The following PSD2 variants were observed in gnomAD, a reference collection of about 807,000 sequenced individuals.
The protein encoded by PSD2 is PH and SEC7 domain-containing protein 2.
In PSD2, 38 loss-of-function variants were observed where a neutral mutation model predicts 69.8. That is an observed-to-expected ratio of 0.54 (90% confidence interval 0.42 to 0.71). The LOEUF is 0.71. Among genes scored for constraint, PSD2 ranks in the 30% least tolerant of loss-of-function variants. The pLI is 0.00. For missense variants in PSD2, 943 were observed against 1,014.5 expected (o/e 0.93, Z 0.96); for synonymous variants, 412 against 423.0 (o/e 0.97, Z 0.32).
At chr5:139,752,135 C>T in the PSD2 span, among the ~76,000 whole-genome samples, 1 of 152,052 alleles carries the variant, frequency 6.6e-6, no homozygotes, top group South Asian at 2.1e-4. Context: ...TTGTCCTTGG[C>T]AGATCCTCGA....
rs1760942927 is a variant in PSD2 at position 139,844,141 on chromosome 5, A to G, written c.*1667A>G. 6.6e-6 allele frequency: 1 copy of G among 152,242 alleles called. No homozygotes were observed. Among genetic ancestry groups the G allele is most frequent in the African/African-American group, 2.4e-5 (1 of 41,462 alleles). 9.4% of individuals were successfully genotyped at this position (152,242 alleles called of 1,614,324 possible). A position where few individuals can be genotyped will look rare whatever the true frequency, so the allele number is the denominator to read the frequency against. On this transcript the variant is annotated 3_prime_UTR_variant, in exon 15 of 15. Transcript: ENST00000274710. ...AATTGAAAACGCCATGTGGCACCAC[A>G]AAAGAGCTCTCTGTACTTTCCCCAT...
At chr5:139,803,631 AG>A (rs1428980634) in intron 1 of PSD2, among the ~76,000 whole-genome samples, 1 of 152,210 alleles carries the variant, frequency 6.6e-6, no homozygotes, top group Non-Finnish European at 1.5e-5. Context: ...CACACAGGAA[AG>A]GGCACTGACC....
chr5:139,777,402 C>T, the PSD2 span, among the ~76,000 whole-genome samples: 2 of 152,110 alleles, frequency 1.3e-5, no homozygotes, highest in Non-Finnish European at 2.9e-5. Flanking sequence ...GAGGCAAAAG[C>T]AAGACTATTT....
chr5:139,822,904 G>A, intron 7 of PSD2, 120 bp downstream of exon 7: 1 of 814,014 alleles, frequency 1.2e-6, no homozygotes, highest in South Asian at 2.5e-5. Flanking sequence ...AAGCGGTGGG[G>A]GTTGGGCAGC....
At chr5:139,832,339 AAC>A (rs1396787705) in intron 7 of PSD2, among the ~76,000 whole-genome samples, 2 of 152,252 alleles carry the variant, frequency 1.3e-5, no homozygotes, top group African/African-American at 4.8e-5. Context: ...AAAAATACAA[AAC>A]ACACTTGTAT....
intron 1 of PSD2, among the ~76,000 whole-genome samples, chr5:139,806,413 A>G (rs1759808256): frequency 6.6e-6 from 1 of 152,226 alleles, no homozygotes; most frequent in Non-Finnish European, 1.5e-5. Flanking sequence ...ATCTAGCTGC[A>G]GAGGGAGGCT....
Position 139,814,114 on chromosome 5 carries a change from G to A in PSD2, c.822-56G>A. 1.3e-6 allele frequency: 2 copies of A among 1,566,866 alleles called. No homozygotes were observed. Among genetic ancestry groups the A allele is most frequent in the Admixed American group, 1.8e-5 (1 of 54,302 alleles). ...CTGGGGAAACCTCCCAGCCTCCTCT[G>A]GGGCCTTTGACCCTGGGCCTCTGAC... is the stretch of plus-strand genomic sequence containing the variant. On this transcript the variant is annotated intron_variant, in intron 3 of 14. Coordinates refer to ENST00000274710, the MANE Select transcript of PSD2 (RefSeq NM_032289.4). The surrounding 1 kb of genome is among the most constrained non-coding windows in gnomAD (Gnocchi z 4.4).
At chr5:139,802,937 C>T (rs1561591907) in intron 1 of PSD2, among the ~76,000 whole-genome samples, 1 of 152,216 alleles carries the variant, frequency 6.6e-6, no homozygotes, top group Non-Finnish European at 1.5e-5. Flanking sequence ...GGACTTCTGC[C>T]TGCCTGACCA....
intron 7 of PSD2, among the ~76,000 whole-genome samples, chr5:139,824,096 A>G (rs1246689837): frequency 1.3e-5 from 2 of 152,182 alleles, no homozygotes; most frequent in Non-Finnish European, 2.9e-5. Flanking sequence ...CCCTCTGTTT[A>G]TTGACAGACA....
At chr5:139,775,195 A>C in the PSD2 span, 1 of 152,206 alleles carries the variant, frequency 6.6e-6, no homozygotes, top group African/African-American at 2.4e-5. Flanking sequence ...AGGTCAGATT[A>C]CTCCACACCC....
At position 139,836,838 on chromosome 5, in the gene PSD2, G is replaced by C; in HGVS notation, c.1431G>C (p.Leu477=). 3.1e-6 allele frequency: 5 copies of C among 1,614,184 alleles called. No homozygotes were observed. Among genetic ancestry groups the C allele is most frequent in the Non-Finnish European group, 4.2e-6 (5 of 1,180,008 alleles). The change falls in exon 10 of 15, where the codon CTG becomes CTC. Residue 477 remains leucine, a synonymous_variant. Transcript: ENST00000274710. ...ATGAGGATGAGCTGAGGAAATCCCTGTCTGAGCTGGTGGATGACAAGTTCG... is the reference window on the plus strand; with the variant it reads ...ATGAGGATGAGCTGAGGAAATCCCTCTCTGAGCTGGTGGATGACAAGTTCG... ...AIDEDELRKS[L]SELVDDKFGT...
intron 14 of PSD2, 75 bp downstream of exon 14, chr5:139,840,245 T>C: frequency 2.0e-6 from 3 of 1,537,626 alleles, no homozygotes; most frequent in Non-Finnish European, 2.7e-6. Flanking sequence ...GATGTGGGAC[T>C]GGGGAGGTGA....
chr5:139,821,268 A>G (rs1051798518), intron 5 of PSD2, among the ~76,000 whole-genome samples: 1 of 152,186 alleles, frequency 6.6e-6, no homozygotes, highest in African/African-American at 2.4e-5. Context: ...AGTCCTGCCT[A>G]TGTGTGTATT....
the PSD2 span, among the ~76,000 whole-genome samples, chr5:139,766,042 G>A: frequency 3.3e-5 from 5 of 152,124 alleles, no homozygotes; most frequent in Non-Finnish European, 7.3e-5. Flanking sequence ...TGTGGTGGCT[G>A]GGTAGAGAGC....
chr5:139,763,840 C>T, the PSD2 span, among the ~76,000 whole-genome samples: 6 of 152,198 alleles, frequency 3.9e-5, no homozygotes, highest in East Asian at 1.9e-4. Flanking sequence ...GGTCGACTTG[C>T]GTTTTCTCCC....
At chr5:139,776,876 C>A in the PSD2 span, among the ~76,000 whole-genome samples, 1 of 152,170 alleles carries the variant, frequency 6.6e-6, no homozygotes, top group African/African-American at 2.4e-5. Flanking sequence ...CTCTCTAACC[C>A]TCCCGACAAT....
chr5:139,801,068 G>A (rs1269692933), intron 1 of PSD2, among the ~76,000 whole-genome samples: 2 of 152,022 alleles, frequency 1.3e-5, no homozygotes. Context: ...AACCAGGCAT[G>A]GTGGTGGGCA....
At chr5:139,803,056 G>A (rs1368129277) in intron 1 of PSD2, among the ~76,000 whole-genome samples, 1 of 152,252 alleles carries the variant, frequency 6.6e-6, no homozygotes, top group Non-Finnish European at 1.5e-5. Flanking sequence ...TGAAAGGGAT[G>A]GGCATCTTTA....
chr5:139,796,965 C>T (rs1292492692), intron 1 of PSD2, among the ~76,000 whole-genome samples: 2 of 152,048 alleles, frequency 1.3e-5, no homozygotes, highest in African/African-American at 4.8e-5. Flanking sequence ...TTGGACTTTC[C>T]TGGGTTCCCC....
Sources: allele counts gnomAD v4.1 joint callset (sites outside exome capture counted in the v4.1 genomes callset), GRCh38; gene constraint gnomAD v4.1.1; non-coding constraint Gnocchi (gnomAD v3.1); transcripts MANE v1.5; gene names NCBI Gene and HGNC (gene_info 2026-07-23, HGNC 2026-07-21).